Variants in CCSER1 observed in about 807,000 individuals in gnomAD.
CCSER1 encodes coiled-coil serine rich protein 1.
In CCSER1, 41 loss-of-function variants were observed where a neutral mutation model predicts 82.0. The observed-to-expected ratio is 0.50, with a 90% CI of 0.39 to 0.65. The LOEUF (loss-of-function observed/expected upper bound fraction) is 0.65. Ranked by LOEUF, CCSER1 falls within the 30% of genes least tolerant of loss-of-function variation. The pLI is 0.00. For synonymous variants in CCSER1, 414 were observed against 383.9 expected (o/e 1.08, Z -0.92); for missense variants, 1,119 against 1,064.2 (o/e 1.05, Z -0.72).
At chr4:91,556,612 T>C (rs562923708) in intron 10 of CCSER1, among the ~76,000 whole-genome samples, 2 of 151,066 alleles carry the variant, frequency 1.3e-5, no homozygotes, top group South Asian at 4.2e-4. Flanking sequence ...AAATTAATAA[T>C]TACTGGATGA....
chr4:91,127,105 C>T (rs1011717627), intron 10 of CCSER1, among the ~76,000 whole-genome samples: 1 of 151,962 alleles, frequency 6.6e-6, no homozygotes, highest in African/African-American at 2.4e-5. Context: ...TATGTATCAT[C>T]GCATACAAAG....
At chr4:90,453,696 T>C (rs1761792678) in intron 4 of CCSER1, among the ~76,000 whole-genome samples, 1 of 152,154 alleles carries the variant, frequency 6.6e-6, no homozygotes, top group South Asian at 2.1e-4. Flanking sequence ...GAGTTGGGCT[T>C]TCAGGCATGA....
chr4:90,379,504 G>T (rs763443372), intron 3 of CCSER1, among the ~76,000 whole-genome samples: 1 of 152,130 alleles, frequency 6.6e-6, no homozygotes, highest in Non-Finnish European at 1.5e-5. Context: ...GGGGATCAGT[G>T]ATTGCAATGC....
intron 5 of CCSER1, among the ~76,000 whole-genome samples, chr4:90,486,493 C>T (rs994636544): frequency 1.3e-5 from 2 of 152,218 alleles, no homozygotes; most frequent in Non-Finnish European, 2.9e-5. Flanking sequence ...ACACAGTTTT[C>T]AGCTTTCTTG....
intron 8 of CCSER1, among the ~76,000 whole-genome samples, chr4:90,863,087 CGCT>C (rs1765298503): frequency 6.6e-6 from 1 of 151,220 alleles, no homozygotes; most frequent in Non-Finnish European, 1.5e-5. Context: ...TATCCCTCCC[CGCT>C]CCCCCCACCC....
chr4:91,588,888 C>T (rs1006022752), intron 10 of CCSER1, among the ~76,000 whole-genome samples: 1 of 151,614 alleles, frequency 6.6e-6, no homozygotes, highest in African/African-American at 2.4e-5. Context: ...ATAAAAATGC[C>T]TTTGAAGTAA....
At position 91,474,011 on chromosome 4, in the gene CCSER1, G is replaced by T. The variant is rs184037235; in HGVS notation, c.2218-124561G>T. Among the ~76,000 whole-genome samples, 27 of 152,110 alleles carry T rather than the reference G, an allele frequency of 1.8e-4. No individual in the cohort carries two copies. In the East Asian group the frequency reaches 5.2e-3, roughly 29 times the overall value. ...ATATATTAATGTTAAAAGTAGTGTT[G>T]TGTATTCTTTAAGTTTCTTCGATGT... On this transcript the variant is annotated intron_variant, in intron 10 of 10. Coordinates refer to ENST00000509176, the MANE Select transcript of CCSER1 (RefSeq NM_001145065.2).
At chr4:90,783,366 T>C (rs1438293831) in intron 7 of CCSER1, among the ~76,000 whole-genome samples, 1 of 152,104 alleles carries the variant, frequency 6.6e-6, no homozygotes, top group Non-Finnish European at 1.5e-5. Context: ...CTAAGATCCG[T>C]TTAACTGCAG....
intron 5 of CCSER1, among the ~76,000 whole-genome samples, chr4:90,503,213 A>C (rs1048582384): frequency 3.4e-4 from 51 of 152,140 alleles, no homozygotes; most frequent in Admixed American, 4.6e-4. Context: ...TCCCAGAAGA[A>C]GGCTAGAACA....
At chr4:91,115,380 G>A (rs1277759977) in intron 10 of CCSER1, among the ~76,000 whole-genome samples, 1 of 151,970 alleles carries the variant, frequency 6.6e-6, no homozygotes, top group African/African-American at 2.4e-5. Flanking sequence ...AGGCTGGAGT[G>A]CAGTGGCCTG....
chr4:91,398,362 ATAATT>A (rs1752113724), intron 10 of CCSER1, among the ~76,000 whole-genome samples: 1 of 152,040 alleles, frequency 6.6e-6, no homozygotes, highest in Non-Finnish European at 1.5e-5. Flanking sequence ...ATTAAAAAAG[ATAATT>A]TAAGAGGCTT....
intron 8 of CCSER1, among the ~76,000 whole-genome samples, chr4:90,917,022 C>T (rs186574030): frequency 1.3e-5 from 2 of 152,248 alleles, no homozygotes; most frequent in African/African-American, 4.8e-5. Flanking sequence ...ACAATGGGTG[C>T]TGGAGAGGAT....
chr4:91,035,421 G>C (rs1175652035), intron 9 of CCSER1, among the ~76,000 whole-genome samples: 4 of 152,096 alleles, frequency 2.6e-5, no homozygotes, highest in Non-Finnish European at 5.9e-5. Flanking sequence ...GACATTCTTA[G>C]AGTAAATGCA....
intron 1 of CCSER1, among the ~76,000 whole-genome samples, chr4:90,266,755 A>T (rs1421045431): frequency 6.6e-6 from 1 of 151,906 alleles, no homozygotes; most frequent in South Asian, 2.1e-4. Context: ...CCAGAGAGAA[A>T]TTGCCCATTC....
chr4:90,851,486 T>G (rs1471026945), intron 8 of CCSER1, among the ~76,000 whole-genome samples: 1 of 151,956 alleles, frequency 6.6e-6, no homozygotes, highest in East Asian at 1.9e-4. Flanking sequence ...GCTGTCCAGT[T>G]TTTAAATGGT....
intron 1 of CCSER1, among the ~76,000 whole-genome samples, chr4:90,280,938 T>C (rs74995489): frequency 0.031 from 4,649 of 152,092 alleles, 223 homozygotes; most frequent in African/African-American, 0.099. Context: ...CCAATGTTAA[T>C]TCATATATAA....
intron 9 of CCSER1, among the ~76,000 whole-genome samples, chr4:90,966,204 A>G (rs1336048082): frequency 6.6e-6 from 1 of 152,098 alleles, no homozygotes; most frequent in African/African-American, 2.4e-5. Context: ...TGAAGATATG[A>G]TGGCCAGAAT....
At chr4:90,640,733 A>T (rs1054029742) in intron 6 of CCSER1, among the ~76,000 whole-genome samples, 9 of 152,160 alleles carry the variant, frequency 5.9e-5, no homozygotes, top group African/African-American at 9.7e-5. Flanking sequence ...TGATAGTTTA[A>T]TAAGGGACTT....
chr4:90,758,015 C>T (rs138286204), intron 7 of CCSER1, among the ~76,000 whole-genome samples: 2,283 of 149,544 alleles, frequency 0.015, 25 homozygotes, highest in Non-Finnish European at 0.021. Context: ...CTTTGCTCAA[C>T]TCAACCTCCA....
Sources: gnomAD v4.1 joint callset for allele counts (sites outside exome capture counted in the v4.1 genomes callset) on GRCh38, gnomAD v4.1.1 for gene constraint, MANE v1.5 for transcripts, NCBI Gene and HGNC (gene_info 2026-07-23, HGNC 2026-07-21) for gene names.